Variants in PRR16 observed in about 807,000 individuals in gnomAD.
PRR16 encodes the protein proline rich 16, also known as protein Largen.
In PRR16, 6 loss-of-function variants were observed where a neutral mutation model predicts 18.2. That is an observed-to-expected ratio of 0.33 (90% CI 0.18 to 0.65). The LOEUF (loss-of-function observed/expected upper bound fraction) is 0.65. Among genes scored for constraint, PRR16 ranks in the 30% least tolerant of loss-of-function variants. The pLI, the probability that PRR16 is intolerant of heterozygous loss-of-function variation, is 0.74. For missense variants in PRR16, 412 were observed against 376.6 expected (o/e 1.09, Z -0.78); for synonymous variants, 151 against 147.8 (o/e 1.02, Z -0.16).
intron 1 of PRR16, among the ~76,000 whole-genome samples, chr5:120,488,960 T>G (rs1206080051): frequency 6.6e-6 from 1 of 152,220 alleles, no homozygotes; most frequent in Non-Finnish European, 1.5e-5. Flanking sequence ...GTTGAGTGGT[T>G]TTGAAGTGAG....
chr5:120,520,875 T>C (rs1439141275), intron 1 of PRR16, among the ~76,000 whole-genome samples: 1 of 152,108 alleles, frequency 6.6e-6, no homozygotes, highest in Non-Finnish European at 1.5e-5. Flanking sequence ...TTTTAATTTA[T>C]TTTATTTTGA....
the PRR16 span, among the ~76,000 whole-genome samples, chr5:120,729,714 G>A: frequency 1.3e-5 from 2 of 152,106 alleles, no homozygotes; most frequent in Non-Finnish European, 2.9e-5. Flanking sequence ...AAATGATATT[G>A]AGTGGAGAGT....
chr5:120,744,988 AC>A, the PRR16 span, among the ~76,000 whole-genome samples: 1 of 152,196 alleles, frequency 6.6e-6, no homozygotes, highest in African/African-American at 2.4e-5. Flanking sequence ...TTCAAGGAAC[AC>A]CTATGAATTT....
intron 1 of PRR16, among the ~76,000 whole-genome samples, chr5:120,473,158 T>C (rs2112800492): frequency 6.6e-6 from 1 of 152,320 alleles, no homozygotes; most frequent in South Asian, 2.1e-4. Flanking sequence ...GTGATAACAC[T>C]GTAGGCTATT....
intron 1 of PRR16, among the ~76,000 whole-genome samples, chr5:120,585,088 T>C (rs965971549): frequency 6.6e-6 from 1 of 152,208 alleles, no homozygotes; most frequent in African/African-American, 2.4e-5. Context: ...GACTCAATTG[T>C]TAAAACAGCT....
rs113863905 is a variant in PRR16 at position 120,546,221 on chromosome 5, A to G, written c.159+81576A>G. Among the ~76,000 whole-genome samples, 838 of 152,278 alleles carry G rather than the reference A, an allele frequency of 5.5e-3. 7 individuals are homozygous for G. Among genetic ancestry groups the G allele is most frequent in the African/African-American group, 0.019 (795 of 41,576 alleles). Reference sequence around the variant, plus strand: ...CTACTCACAATCTGCTGATAATTACATCACCACACTTCTTAGAATACAGTG... The same window carrying G: ...CTACTCACAATCTGCTGATAATTACGTCACCACACTTCTTAGAATACAGTG... On this transcript the variant is annotated intron_variant, in intron 1 of 1. Transcript: ENST00000407149.
At chr5:120,652,047 C>G (rs926866010) in intron 1 of PRR16, among the ~76,000 whole-genome samples, 31 of 152,054 alleles carry the variant, frequency 2.0e-4, no homozygotes, top group African/African-American at 7.5e-4. Context: ...TCTTTCACGT[C>G]CCTTGTAAGT....
chr5:120,497,386 T>TTTC, intron 1 of PRR16, among the ~76,000 whole-genome samples: 1 of 138,016 alleles, frequency 7.2e-6, no homozygotes, highest in African/African-American at 2.8e-5. Context: ...ATGAACTGAT[T>TTTC]TTTTTTTTTT....
chr5:120,651,887 G>C (rs141207960), intron 1 of PRR16, among the ~76,000 whole-genome samples: 1 of 151,962 alleles, frequency 6.6e-6, no homozygotes, highest in Non-Finnish European at 1.5e-5. Context: ...TAGCTTGATG[G>C]GGATGGCATT....
chr5:120,472,106 A>G (rs900575808), intron 1 of PRR16, among the ~76,000 whole-genome samples: 1 of 152,120 alleles, frequency 6.6e-6, no homozygotes, highest in African/African-American at 2.4e-5. Context: ...ATAAATGTTT[A>G]CTTGTAGAAT....
At chr5:120,467,295 A>G (rs1361515053) in intron 1 of PRR16, among the ~76,000 whole-genome samples, 1 of 152,176 alleles carries the variant, frequency 6.6e-6, no homozygotes, top group African/African-American at 2.4e-5. Flanking sequence ...ACCATAATAT[A>G]TTTTAATATA....
chr5:120,566,609 T>A (rs1166137005), intron 1 of PRR16, among the ~76,000 whole-genome samples: 1 of 146,766 alleles, frequency 6.8e-6, no homozygotes, highest in Non-Finnish European at 1.5e-5. Context: ...TATCAATTTA[T>A]CCATGTATAA....
At chr5:120,674,575 T>C (rs1756731049) in intron 1 of PRR16, among the ~76,000 whole-genome samples, 2 of 152,328 alleles carry the variant, frequency 1.3e-5, no homozygotes, top group South Asian at 4.1e-4. Context: ...TTGTATTTTT[T>C]TCTGAGTGTC....
rs189073307 is a variant in PRR16 at position 120,535,371 on chromosome 5, T to G, written c.159+70726T>G. Among the ~76,000 whole-genome samples, 27 of 152,372 alleles carry G rather than the reference T, an allele frequency of 1.8e-4. 1 individual carries two copies. In the East Asian group the frequency reaches 4.8e-3, roughly 27 times the overall value. ...ATTTACTTTATTCTTTCTTACTCTG[T>G]AATTGTTTTATCAAAACATTGATAG... On this transcript the variant is annotated intron_variant, in intron 1 of 1. Coordinates refer to ENST00000407149, the MANE Select transcript of PRR16 (RefSeq NM_001300783.2).
intron 1 of PRR16, among the ~76,000 whole-genome samples, chr5:120,579,755 GT>G (rs1009638952): frequency 1.3e-5 from 2 of 152,104 alleles, no homozygotes; most frequent in African/African-American, 4.8e-5. Context: ...ATTTAAAATA[GT>G]TTTTTTCTAA....
chr5:120,726,525 A>C, the PRR16 span, among the ~76,000 whole-genome samples: 1 of 152,084 alleles, frequency 6.6e-6, no homozygotes, highest in Non-Finnish European at 1.5e-5. Context: ...CAGAAATGGC[A>C]TGCAGATGGG....
At chr5:120,750,589 C>A in the PRR16 span, among the ~76,000 whole-genome samples, 1 of 151,870 alleles carries the variant, frequency 6.6e-6, no homozygotes, top group Non-Finnish European at 1.5e-5. Flanking sequence ...ATCGCTTGGA[C>A]ATGGGAGGCG....
intron 1 of PRR16, among the ~76,000 whole-genome samples, chr5:120,534,077 T>C (rs943714422): frequency 6.6e-6 from 1 of 152,100 alleles, no homozygotes. Flanking sequence ...CGGGTGGAGA[T>C]TGAGTTGCTT....
chr5:120,548,859 T>C (rs1454278534), intron 1 of PRR16, among the ~76,000 whole-genome samples: 1 of 126,146 alleles, frequency 7.9e-6, no homozygotes, highest in Non-Finnish European at 1.8e-5. Flanking sequence ...TCCACAAATT[T>C]GATTTTGATG....
Sources: gnomAD v4.1 joint callset for allele counts (sites outside exome capture counted in the v4.1 genomes callset) on GRCh38, gnomAD v4.1.1 for gene constraint, MANE v1.5 for transcripts, NCBI Gene and HGNC (gene_info 2026-07-23, HGNC 2026-07-21) for gene names.